FHIT: variants seen among roughly 807,000 people sequenced by gnomAD.
FHIT encodes the protein fragile histidine triad diadenosine triphosphatase.
Under a neutral mutation model 17.9 loss-of-function variants are expected in FHIT, and 19 were observed. That is an observed-to-expected ratio of 1.06 (90% confidence interval 0.74 to 1.56). The LOEUF (loss-of-function observed/expected upper bound fraction) is 1.56. Among genes scored for constraint, FHIT ranks in the 40% most tolerant of loss-of-function variants. The pLI, the probability that FHIT is intolerant of heterozygous loss-of-function variation, is 0.00. For synonymous variants in FHIT, 81 were observed against 69.7 expected, an observed-to-expected ratio of 1.16 and a Z score of -0.81; for missense variants, 248 against 189.2, an observed-to-expected ratio of 1.31 and a Z score of -1.82.
At chr3:59,884,449 T>C (rs1160413212) in intron 8 of FHIT, among the ~76,000 whole-genome samples, 2 of 152,168 alleles carry the variant, frequency 1.3e-5, no homozygotes, top group African/African-American at 2.4e-5. Context: ...AGATATACTT[T>C]ATTGTGTATC....
At chr3:60,697,834 T>C (rs542257026) in intron 4 of FHIT, among the ~76,000 whole-genome samples, 3 of 152,276 alleles carry the variant, frequency 2.0e-5, no homozygotes, top group Admixed American at 6.5e-5. Flanking sequence ...AAATACAGCA[T>C]GCCTTAGAAA....
chr3:60,332,537 TG>T (rs1383983422), intron 5 of FHIT, among the ~76,000 whole-genome samples: 1 of 152,198 alleles, frequency 6.6e-6, no homozygotes, highest in African/African-American at 2.4e-5. Context: ...CAGAGGGCTG[TG>T]GGATCTAGGA....
intron 8 of FHIT, among the ~76,000 whole-genome samples, chr3:59,875,266 T>C (rs1352984634): frequency 6.6e-6 from 1 of 152,224 alleles, no homozygotes; most frequent in Admixed American, 6.5e-5. Context: ...TACACGCTGG[T>C]TGACCTCTGA....
chr3:60,121,294 T>A (rs1705234761), intron 5 of FHIT, among the ~76,000 whole-genome samples: 1 of 152,202 alleles, frequency 6.6e-6, no homozygotes, highest in Non-Finnish European at 1.5e-5. Flanking sequence ...ATAATATGAC[T>A]ATAATAATGT....
At chr3:60,632,084 G>GTT (rs142879488) in intron 4 of FHIT, among the ~76,000 whole-genome samples, 25 of 149,176 alleles carry the variant, frequency 1.7e-4, no homozygotes, top group African/African-American at 5.5e-4. Flanking sequence ...GGAAAGAAGT[G>GTT]TTTTTTTTTT....
At chr3:59,761,628 A>G (rs1316764674) in intron 8 of FHIT, among the ~76,000 whole-genome samples, 4 of 150,686 alleles carry the variant, frequency 2.7e-5, no homozygotes, top group Admixed American at 2.0e-4. Context: ...TTTTTTCGAG[A>G]TGGAGTCTTG....
intron 5 of FHIT, among the ~76,000 whole-genome samples, chr3:60,092,013 T>C (rs867797614): frequency 1.4e-4 from 21 of 152,278 alleles, no homozygotes; most frequent in Non-Finnish European, 2.4e-4. Flanking sequence ...CTCCCCCTGG[T>C]TGGCTGCTAC....
At chr3:60,491,100 G>C (rs1241293757) in intron 5 of FHIT, among the ~76,000 whole-genome samples, 1 of 152,196 alleles carries the variant, frequency 6.6e-6, no homozygotes, top group Non-Finnish European at 1.5e-5. Flanking sequence ...GTGCTGAGTT[G>C]TGCATTAGAA....
chr3:60,031,516 G>C (rs182040931), intron 5 of FHIT, among the ~76,000 whole-genome samples: 53 of 152,244 alleles, frequency 3.5e-4, no homozygotes, highest in Admixed American at 9.8e-4. Flanking sequence ...CCACTTTTTA[G>C]CCATTTGACT....
intron 4 of FHIT, among the ~76,000 whole-genome samples, chr3:60,572,589 A>G (rs945441151): frequency 1.3e-5 from 2 of 152,146 alleles, no homozygotes; most frequent in Non-Finnish European, 1.5e-5. Flanking sequence ...CTGGTATCCA[A>G]TGTGAATTCC....
chr3:60,163,190 A>C (rs996884979), intron 5 of FHIT, among the ~76,000 whole-genome samples: 7 of 152,206 alleles, frequency 4.6e-5, no homozygotes, highest in African/African-American at 1.7e-4. Context: ...AGGTCAAGTA[A>C]GGTGTCCAAA....
At chr3:60,415,404 T>C (rs1316970052) in intron 5 of FHIT, among the ~76,000 whole-genome samples, 1 of 152,164 alleles carries the variant, frequency 6.6e-6, no homozygotes, top group Non-Finnish European at 1.5e-5. Context: ...ATTTCAATGA[T>C]ACTGAGCTCA....
chr3:60,745,826 C>A (rs1366854612), intron 4 of FHIT, among the ~76,000 whole-genome samples: 1 of 152,048 alleles, frequency 6.6e-6, no homozygotes, highest in Non-Finnish European at 1.5e-5. Flanking sequence ...TTAGAAAGAC[C>A]AAACTAAAAA....
At chr3:60,569,786 T>C (rs2037310209) in intron 4 of FHIT, among the ~76,000 whole-genome samples, 1 of 137,906 alleles carries the variant, frequency 7.3e-6, no homozygotes, top group African/African-American at 2.7e-5. Flanking sequence ...AGTTTTGCTA[T>C]TGTCACCCAG....
Position 60,374,858 on chromosome 3 carries a change from C to T in FHIT, c.103+162002G>A, listed in dbSNP as rs1424056302. Among the ~76,000 whole-genome samples, 4 of 151,958 alleles carry T rather than the reference C, an allele frequency of 2.6e-5. No individual in the cohort carries two copies. In the East Asian group the frequency reaches 7.7e-4, roughly 29 times the overall value. On this transcript the variant is annotated intron_variant, in intron 5 of 9. Transcript: ENST00000492590. ...GTAGAAGAGACTGCTAATCACTGAA[C>T]CAGCCCTTGCAGTTTTCTTTGCTGC...
At chr3:61,123,533 A>AT (rs556636505) in intron 2 of FHIT, among the ~76,000 whole-genome samples, 3 of 144,420 alleles carry the variant, frequency 2.1e-5, no homozygotes, top group South Asian at 2.2e-4. Context: ...AAAAGGTGGC[A>AT]TTTTTTCAAA....
At chr3:60,561,322 C>A (rs970394911) in intron 4 of FHIT, among the ~76,000 whole-genome samples, 1 of 152,094 alleles carries the variant, frequency 6.6e-6, no homozygotes, top group African/African-American at 2.4e-5. Flanking sequence ...TTCCAAAGCA[C>A]CTGGACCCCA....
chr3:60,124,677 A>T (rs1279626893), intron 5 of FHIT, among the ~76,000 whole-genome samples: 1 of 152,200 alleles, frequency 6.6e-6, no homozygotes, highest in Non-Finnish European at 1.5e-5. Flanking sequence ...ATGCAGCCAA[A>T]TAAGCTTTAT....
At chr3:60,551,887 T>C (rs1559533225) in intron 4 of FHIT, among the ~76,000 whole-genome samples, 1 of 151,998 alleles carries the variant, frequency 6.6e-6, no homozygotes, top group Non-Finnish European at 1.5e-5. Flanking sequence ...TACAGTTTGA[T>C]GGTTTTCAGT....
Sources: gnomAD v4.1 joint callset for allele counts (sites outside exome capture counted in the v4.1 genomes callset) on GRCh38, gnomAD v4.1.1 for gene constraint, MANE v1.5 for transcripts, NCBI Gene and HGNC (gene_info 2026-07-23, HGNC 2026-07-21) for gene names.